Variants in AGPAT5 observed in about 807,000 individuals in gnomAD.
The protein encoded by AGPAT5 is 1-acyl-sn-glycerol-3-phosphate acyltransferase epsilon.
AGPAT5 carries 46 observed loss-of-function variants against 45.6 expected under a neutral mutation model. That is an observed-to-expected ratio of 1.01 (90% CI 0.80 to 1.29). The LOEUF is 1.29. AGPAT5 is among the 50% of genes most tolerant of loss of function. The pLI is 0.00. For synonymous variants in AGPAT5, 272 were observed against 167.0 expected (o/e 1.63, Z -4.85); for missense variants, 673 against 450.7 (o/e 1.49, Z -4.47).
At chr8:6,722,877 G>A (rs1015549905) in intron 1 of AGPAT5, among the ~76,000 whole-genome samples, 2 of 152,046 alleles carry the variant, frequency 1.3e-5, no homozygotes, top group Admixed American at 1.3e-4. Flanking sequence ...AAAAGTGGAT[G>A]AACCTGAAAT....
At chr8:6,713,500 A>T (rs1940159868) in intron 1 of AGPAT5, among the ~76,000 whole-genome samples, 1 of 152,238 alleles carries the variant, frequency 6.6e-6, no homozygotes, top group African/African-American at 2.4e-5. Context: ...AAGAAAGAAG[A>T]TAAAGAATTT....
intron 6 of AGPAT5, among the ~76,000 whole-genome samples, chr8:6,753,416 T>C (rs1337366469): frequency 6.6e-6 from 1 of 152,088 alleles, no homozygotes; most frequent in Non-Finnish European, 1.5e-5. Context: ...GGCAGGAAAA[T>C]TGGTGTCGGA....
chr8:6,747,810 G>A lies in AGPAT5; in HGVS notation c.727G>A (p.Glu243Lys). Residue 243 changes from glutamate to lysine, a missense_variant, in exon 6 of 8, where the codon GAG (glutamate) becomes AAG (lysine). Transcript: ENST00000285518. The part of the protein sequence containing the change: ...EGKDDGGQRR[E>K]SPTMTEFLCK... ...GAAAGACGATGGAGGGCAGCGAAGA[G>A]AGTCACCGACCATGACGGGTAAGTG... The A allele has an allele frequency of 6.2e-7, 1 of 1,614,140 alleles. No homozygotes were observed. Among genetic ancestry groups the A allele is most frequent in the Non-Finnish European group, 8.5e-7 (1 of 1,180,016 alleles).
At chr8:6,731,334 G>A (rs1800855435) in intron 3 of AGPAT5, among the ~76,000 whole-genome samples, 1 of 151,998 alleles carries the variant, frequency 6.6e-6, no homozygotes, top group Non-Finnish European at 1.5e-5. Context: ...CATCTGTGGG[G>A]ATTGGTTTTA....
At chr8:6,753,485 T>C (rs1721014584) in intron 6 of AGPAT5, among the ~76,000 whole-genome samples, 1 of 152,200 alleles carries the variant, frequency 6.6e-6, no homozygotes, top group African/African-American at 2.4e-5. Context: ...AATTTGTGGC[T>C]AAAACACTAT....
At chr8:6,756,194 A>G (rs573520616) in intron 7 of AGPAT5, among the ~76,000 whole-genome samples, 1 of 152,302 alleles carries the variant, frequency 6.6e-6, no homozygotes, top group Non-Finnish European at 1.5e-5. Flanking sequence ...TGAGTTAACT[A>G]TGCTGTTTTC....
At chr8:6,753,129 G>A (rs1587068514) in intron 6 of AGPAT5, among the ~76,000 whole-genome samples, 1 of 152,182 alleles carries the variant, frequency 6.6e-6, no homozygotes, top group Non-Finnish European at 1.5e-5. Flanking sequence ...GCACATGTAC[G>A]TTTTAGGAAA....
At chr8:6,754,708 A>G (rs1403135126) in intron 6 of AGPAT5, among the ~76,000 whole-genome samples, 1 of 152,260 alleles carries the variant, frequency 6.6e-6, no homozygotes, top group East Asian at 1.9e-4. Flanking sequence ...CAGAGAGGTG[A>G]GTATGGACTT....
intron 2 of AGPAT5, among the ~76,000 whole-genome samples, chr8:6,728,209 C>T (rs190544191): frequency 1.8e-4 from 28 of 152,278 alleles, no homozygotes; most frequent in African/African-American, 6.5e-4. Flanking sequence ...GGCTTGATTG[C>T]CATGGAAGAT....
At chr8:6,729,204 A>G (rs886081735) in intron 2 of AGPAT5, among the ~76,000 whole-genome samples, 3 of 152,168 alleles carry the variant, frequency 2.0e-5, no homozygotes, top group Admixed American at 6.5e-5. Context: ...CTTTTTTGGG[A>G]TATTCTGACT....
intron 7 of AGPAT5, among the ~76,000 whole-genome samples, chr8:6,756,800 G>T (rs12678276): frequency 3.9e-5 from 6 of 152,074 alleles, no homozygotes; most frequent in Non-Finnish European, 7.4e-5. Context: ...GACTTCTGGC[G>T]GAATAGGAGC....
At position 6,747,831 on chromosome 8, in the gene AGPAT5, A is replaced by G; in HGVS notation, c.745+3A>G. 1 of 1,613,842 alleles carries G rather than the reference A, an allele frequency of 6.2e-7. No homozygotes were observed. Among genetic ancestry groups the G allele is most frequent in the Non-Finnish European group, 8.5e-7 (1 of 1,179,816 alleles). ...AAGAGAGTCACCGACCATGACGGGT[A>G]AGTGTGTTCACGCACCTGAAATGCC... On this transcript the variant is annotated splice_donor_region_variant and intron_variant, in intron 6 of 7. Transcript: ENST00000285518.
rs1563295313 is a variant in AGPAT5 at position 6,735,848 on chromosome 8, C to CTTTTTTTTTTTTTTTTTTTTTT, written c.495+3198_495+3199insTTTTTTTTTTTTTTTTTTTTTT. Reference sequence around the variant, plus strand: ...GTGTTCCTGTTTATTCTTTATATAGCCTTTTTTTTTTTTTTTTTTTTTTTG... The same window carrying CTTTTTTTTTTTTTTTTTTTTTT: ...GTGTTCCTGTTTATTCTTTATATAGCTTTTTTTTTTTTTTTTTTTTTTCTTTTTTTTTTTTTTTTTTTTTTTG... On this transcript the variant is annotated intron_variant, in intron 4 of 7. Transcript: ENST00000285518. Among the ~76,000 whole-genome samples, 31 of 53,614 alleles carry CTTTTTTTTTTTTTTTTTTTTTT rather than the reference C, an allele frequency of 5.8e-4. 15 individuals carry two copies. Among genetic ancestry groups the CTTTTTTTTTTTTTTTTTTTTTT allele is most frequent in the Non-Finnish European group, 5.4e-4 (14 of 25,736 alleles). 35.2% of individuals were successfully genotyped at this position (53,614 alleles called of 152,430 possible).
chr8:6,732,242 C>T (rs1251243107), intron 3 of AGPAT5, among the ~76,000 whole-genome samples: 1 of 152,132 alleles, frequency 6.6e-6, no homozygotes, highest in Non-Finnish European at 1.5e-5. Flanking sequence ...GAGTTAAATC[C>T]ATCTGATGGA....
At position 6,723,714 on chromosome 8, in the gene AGPAT5, C is replaced by G. The variant is rs115103258; in HGVS notation, c.220-1156C>G. ...CTCATTGTGCAAATGTTTAAACATA[C>G]TACATACATAGCACTGTGCAGTTTC... On this transcript the variant is annotated intron_variant, in intron 1 of 7. Coordinates refer to ENST00000285518, the MANE Select transcript of AGPAT5 (RefSeq NM_018361.5). Among the ~76,000 whole-genome samples the G allele has an allele frequency of 4.2e-3, 639 of 152,310 alleles. 3 individuals are homozygous for G. The highest frequency in any genetic ancestry group is 0.024 in the Middle Eastern group (7 of 294).
chr8:6,717,482 A>G (rs531553884), intron 1 of AGPAT5, among the ~76,000 whole-genome samples: 3 of 152,340 alleles, frequency 2.0e-5, no homozygotes, highest in South Asian at 4.1e-4. Flanking sequence ...GACAAAATAC[A>G]TAGTCTCTAC....
At chr8:6,729,363 A>G (rs1461513528) in intron 2 of AGPAT5, among the ~76,000 whole-genome samples, 8 of 107,344 alleles carry the variant, frequency 7.5e-5, no homozygotes, top group African/African-American at 3.1e-4. Flanking sequence ...TTTTTTTAAC[A>G]TTTCCTTCCT....
chr8:6,716,428 G>T (rs1048835529), intron 1 of AGPAT5, among the ~76,000 whole-genome samples: 1 of 152,232 alleles, frequency 6.6e-6, no homozygotes, highest in African/African-American at 2.4e-5. Context: ...GGGCATGGTG[G>T]TGTGTGCCTG....
At chr8:6,739,882 C>G (rs993983415) in intron 4 of AGPAT5, among the ~76,000 whole-genome samples, 11 of 152,176 alleles carry the variant, frequency 7.2e-5, no homozygotes, top group African/African-American at 2.4e-4. Context: ...GTTCCTAGCC[C>G]CATTGCCCTT....
Sources: gnomAD v4.1 joint callset for allele counts (sites outside exome capture counted in the v4.1 genomes callset) on GRCh38, gnomAD v4.1.1 for gene constraint, MANE v1.5 for transcripts, NCBI Gene and HGNC (gene_info 2026-07-23, HGNC 2026-07-21) for gene names.